LOC128462377: variants seen among roughly 807,000 people sequenced by gnomAD.
chr16:89,356,764 C>T, the LOC128462377 span, among the ~76,000 whole-genome samples: 1 of 126,636 alleles, frequency 7.9e-6, no homozygotes, highest in Non-Finnish European at 1.6e-5. Context: ...CTGGGCGACA[C>T]AGCAAGACTC....
At chr16:89,378,095 A>C in the LOC128462377 span, among the ~76,000 whole-genome samples, 1 of 152,140 alleles carries the variant, frequency 6.6e-6, no homozygotes, top group African/African-American at 2.4e-5. Context: ...CACACTTATA[A>C]TCCCAGTGCA....
chr16:89,402,315 C>G, the LOC128462377 span, among the ~76,000 whole-genome samples: 1 of 152,252 alleles, frequency 6.6e-6, no homozygotes, highest in Non-Finnish European at 1.5e-5. Context: ...TACTAATGTA[C>G]AGTTCACATG....
At chr16:89,325,092 G>C in the LOC128462377 span, 1 of 153,202 alleles carries the variant, frequency 6.5e-6, no homozygotes, top group Non-Finnish European at 1.5e-5. Flanking sequence ...TGCCATTCTG[G>C]ACATACACGT....
At chr16:89,342,688 T>C in the LOC128462377 span, among the ~76,000 whole-genome samples, 2 of 152,260 alleles carry the variant, frequency 1.3e-5, no homozygotes, top group African/African-American at 4.8e-5. Flanking sequence ...TACTTCATGG[T>C]GTAAAAATCT....
the LOC128462377 span, among the ~76,000 whole-genome samples, chr16:89,368,048 C>T: frequency 1.1e-4 from 17 of 152,202 alleles, 1 homozygote; most frequent in South Asian, 1.2e-3. Flanking sequence ...CAACCAACTG[C>T]TGTGCTCCGT....
the LOC128462377 span, among the ~76,000 whole-genome samples, chr16:89,347,927 G>A: frequency 1.2e-4 from 18 of 152,000 alleles, no homozygotes; most frequent in African/African-American, 3.9e-4. Flanking sequence ...CTCATGAATA[G>A]GTATGGGATT....
chr16:89,411,350 G>C, the LOC128462377 span, among the ~76,000 whole-genome samples: 1 of 152,210 alleles, frequency 6.6e-6, no homozygotes, highest in African/African-American at 2.4e-5. Context: ...TGACTGCACC[G>C]GAAGAGGAGC....
the LOC128462377 span, among the ~76,000 whole-genome samples, chr16:89,368,510 G>A: frequency 4.1e-5 from 6 of 145,486 alleles, no homozygotes; most frequent in South Asian, 2.3e-4. Context: ...ATGAGCCACC[G>A]CGCCCAGCCC....
At chr16:89,355,560 G>A in the LOC128462377 span, among the ~76,000 whole-genome samples, 1 of 152,150 alleles carries the variant, frequency 6.6e-6, no homozygotes, top group Non-Finnish European at 1.5e-5. Flanking sequence ...CTTCCAGCAG[G>A]GACGGCCCCA....
At chr16:89,394,289 A>G in the LOC128462377 span, among the ~76,000 whole-genome samples, 1 of 152,114 alleles carries the variant, frequency 6.6e-6, no homozygotes, top group African/African-American at 2.4e-5. Flanking sequence ...CCTCTCCTCC[A>G]CACCTGCCAC....
chr16:89,417,927 C>G, the LOC128462377 span, among the ~76,000 whole-genome samples: 4 of 152,174 alleles, frequency 2.6e-5, no homozygotes, highest in East Asian at 1.9e-4. Context: ...TCAGAGCACA[C>G]AACACACAGC....
At chr16:89,408,700 C>T in the LOC128462377 span, among the ~76,000 whole-genome samples, 1 of 152,178 alleles carries the variant, frequency 6.6e-6, no homozygotes, top group Non-Finnish European at 1.5e-5. Flanking sequence ...AATACAACCA[C>T]CTCTGGCCTC....
the LOC128462377 span, among the ~76,000 whole-genome samples, chr16:89,342,040 C>CA: frequency 1.1e-5 from 1 of 88,846 alleles, no homozygotes; most frequent in African/African-American, 4.0e-5. Flanking sequence ...CTGCCCACAG[C>CA]GGCCACGGCC....
chr16:89,402,257 G>A, the LOC128462377 span, among the ~76,000 whole-genome samples: 4 of 152,146 alleles, frequency 2.6e-5, no homozygotes, highest in African/African-American at 9.7e-5. Flanking sequence ...GTGCCTACAC[G>A]TGACGTACGC....
At chr16:89,377,690 G>A in the LOC128462377 span, among the ~76,000 whole-genome samples, 18 of 152,208 alleles carry the variant, frequency 1.2e-4, no homozygotes, top group Non-Finnish European at 2.2e-4. Flanking sequence ...ACTCCCACCC[G>A]CTTTTAACTT....
the LOC128462377 span, among the ~76,000 whole-genome samples, chr16:89,375,083 A>T: frequency 3.3e-5 from 5 of 152,076 alleles, no homozygotes; most frequent in African/African-American, 1.2e-4. Context: ...GGGAAACGTA[A>T]ACAAACGTAA....
chr16:89,382,134 C>T, the LOC128462377 span, among the ~76,000 whole-genome samples: 2 of 152,112 alleles, frequency 1.3e-5, no homozygotes, highest in Non-Finnish European at 2.9e-5. Context: ...CAGCTGGGCA[C>T]ACCCAGGGGA....
chr16:89,414,824 T>A, the LOC128462377 span, among the ~76,000 whole-genome samples: 1 of 152,174 alleles, frequency 6.6e-6, no homozygotes, highest in Non-Finnish European at 1.5e-5. Flanking sequence ...CACAGCACCG[T>A]GTACTGAAGA....
At chr16:89,344,242 G>A in the LOC128462377 span, among the ~76,000 whole-genome samples, 1 of 152,140 alleles carries the variant, frequency 6.6e-6, no homozygotes, top group Non-Finnish European at 1.5e-5. Flanking sequence ...ACATCTGCAC[G>A]GTGCTTTACT....
Sources: gnomAD v4.1 joint callset for allele counts (sites outside exome capture counted in the v4.1 genomes callset) on GRCh38, gnomAD v4.1.1 for gene constraint, MANE v1.5 for transcripts.